The following CFAP61 variants were observed in gnomAD, a reference collection of about 807,000 sequenced individuals.
CFAP61 encodes the protein cilia- and flagella-associated protein 61.
CFAP61 carries 107 observed loss-of-function variants against 135.6 expected under a neutral mutation model. The observed-to-expected ratio is 0.79, with a 90% CI of 0.67 to 0.93. The LOEUF is 0.93. CFAP61 is among the 40% of genes least tolerant of loss of function. The pLI, the probability that CFAP61 is intolerant of heterozygous loss-of-function variation, is 0.00. For missense variants in CFAP61, 1,507 were observed against 1,556.2 expected (o/e 0.97, Z 0.53); for synonymous variants, 575 against 578.5 (o/e 0.99, Z 0.09).
intron 17 of CFAP61, among the ~76,000 whole-genome samples, chr20:20,207,470 G>A (rs1168499279): frequency 6.6e-6 from 1 of 152,212 alleles, no homozygotes; most frequent in Non-Finnish European, 1.5e-5. Context: ...TCAGCTGCCT[G>A]CTGCAGAGCT....
chr20:20,109,499 T>C (rs1421619317), intron 8 of CFAP61, among the ~76,000 whole-genome samples: 1 of 152,192 alleles, frequency 6.6e-6, no homozygotes, highest in Non-Finnish European at 1.5e-5. Flanking sequence ...TGTCAGCCTC[T>C]GGTAATTGCT....
At chr20:20,150,009 G>C (rs2052260030) in intron 9 of CFAP61, among the ~76,000 whole-genome samples, 1 of 152,152 alleles carries the variant, frequency 6.6e-6, no homozygotes, top group African/African-American at 2.4e-5. Context: ...CACACAGGCT[G>C]CCTGTAGATA....
At chr20:20,294,884 C>T (rs984050098) in intron 24 of CFAP61, among the ~76,000 whole-genome samples, 3 of 150,496 alleles carry the variant, frequency 2.0e-5, no homozygotes, top group Non-Finnish European at 3.0e-5. Flanking sequence ...GCCGAGATTG[C>T]GCCACTGCAG....
chr20:20,175,548 CAG>C lies in CFAP61; in HGVS notation c.1385+6091_1385+6092del, dbSNP rs1157744610. On this transcript the variant is annotated intron_variant, in intron 13 of 26. Coordinates refer to ENST00000245957, the MANE Select transcript of CFAP61 (RefSeq NM_015585.4). ...TGTTTTGTTTTGTTTTGTTTTGAGA[CAG>C]AGTCTCACTCTGTCACCCAGGCTGG... is the stretch of plus-strand genomic sequence containing the variant. Among the ~76,000 whole-genome samples the C allele has an allele frequency of 2.9e-3, 422 of 143,162 alleles. 4 individuals carry two copies. The highest frequency in any genetic ancestry group is 0.01 in the African/African-American group (407 of 38,792). 93.9% of individuals were successfully genotyped at this position (143,162 alleles called of 152,430 possible). A position where few individuals can be genotyped will look rare whatever the true frequency, so the allele number is the denominator to read the frequency against.
At chr20:20,176,734 A>G (rs767964950) in intron 13 of CFAP61, among the ~76,000 whole-genome samples, 4 of 152,118 alleles carry the variant, frequency 2.6e-5, no homozygotes, top group East Asian at 1.9e-4. Context: ...GTCCGAGGGG[A>G]GAGAGAGCAT....
chr20:20,193,780 AT>A, intron 15 of CFAP61, among the ~76,000 whole-genome samples: 1 of 151,916 alleles, frequency 6.6e-6, no homozygotes, highest in Non-Finnish European at 1.5e-5. Flanking sequence ...CGCACGGCTA[AT>A]TTTTGTATTT....
intron 2 of CFAP61, among the ~76,000 whole-genome samples, chr20:20,062,689 G>A (rs149298568): frequency 1.1e-4 from 17 of 152,244 alleles, no homozygotes; most frequent in Non-Finnish European, 1.8e-4. Context: ...AGGTTAAGCA[G>A]GTAATAAAAG....
At chr20:20,256,772 C>G (rs962209361) in intron 20 of CFAP61, among the ~76,000 whole-genome samples, 1 of 152,178 alleles carries the variant, frequency 6.6e-6, no homozygotes, top group African/African-American at 2.4e-5. Flanking sequence ...TGAAGATATT[C>G]TAGAAGAAAA....
rs745485075 is a variant in CFAP61 at position 20,288,634 on chromosome 20, A to G, written c.2822A>G (p.Asn941Ser). The change falls in exon 23 of 27, where the codon AAT becomes AGT. Residue 941 changes from asparagine (N) to serine (S), a missense_variant. Physicochemically the swap from Asn to Ser is conservative, Grantham distance 46 (BLOSUM62 1). Coordinates refer to ENST00000245957, the MANE Select transcript of CFAP61 (RefSeq NM_015585.4). ...ATGTTCTTCAGCTTCTGTGAGAAGA[A>G]TGTGGATTATGAAACGTTTAAAGCC... ...CSMFFSFCEK[N>S]VDYETFKALN... The G allele has an allele frequency of 2.5e-6, 4 of 1,613,558 alleles. No homozygotes were observed. Among genetic ancestry groups the G allele is most frequent in the Admixed American group, 1.7e-5 (1 of 60,024 alleles).
At chr20:20,112,123 A>T (rs1364436647) in intron 8 of CFAP61, among the ~76,000 whole-genome samples, 1 of 152,216 alleles carries the variant, frequency 6.6e-6, no homozygotes, top group Non-Finnish European at 1.5e-5. Context: ...TGGTGTGATT[A>T]ATGATCTGAT....
chr20:20,278,513 G>A (rs533477828), intron 22 of CFAP61, among the ~76,000 whole-genome samples: 22 of 152,324 alleles, frequency 1.4e-4, no homozygotes, highest in African/African-American at 4.8e-4. Flanking sequence ...TCGGTATGAG[G>A]ATAATGGTTG....
intron 24 of CFAP61, among the ~76,000 whole-genome samples, chr20:20,294,592 C>T (rs564084931): frequency 1.5e-4 from 23 of 152,224 alleles, no homozygotes; most frequent in South Asian, 1.5e-3. Context: ...ACAAAACTTA[C>T]AGAGGAGGCC....
intron 20 of CFAP61, among the ~76,000 whole-genome samples, chr20:20,252,047 C>G (rs140680648): frequency 6.6e-6 from 1 of 152,224 alleles, no homozygotes; most frequent in South Asian, 2.1e-4. Context: ...AAAAGTCTAA[C>G]ACATACTGCT....
At chr20:20,328,122 C>G (rs567675342) in intron 25 of CFAP61, among the ~76,000 whole-genome samples, 1 of 152,112 alleles carries the variant, frequency 6.6e-6, no homozygotes, top group African/African-American at 2.4e-5. Flanking sequence ...AGAAGGCCAG[C>G]GTGGCTGTAG....
At chr20:20,312,680 A>T (rs1395547714) in intron 25 of CFAP61, among the ~76,000 whole-genome samples, 1 of 152,228 alleles carries the variant, frequency 6.6e-6, no homozygotes, top group Non-Finnish European at 1.5e-5. Flanking sequence ...CACAATAAAG[A>T]GAAAGTCTTA....
intron 20 of CFAP61, chr20:20,253,189 T>TTTCCTTCCTTCCTTCCGTCCTTTC (rs1569196416): frequency 7.9e-4 from 119 of 151,504 alleles, no homozygotes; most frequent in African/African-American, 2.9e-3. Context: ...TTCCTTCTTT[T>TTTCCTTCCTTCCTTCCGTCCTTTC]TTCCTTCCTT....
chr20:20,313,600 C>T lies in CFAP61; in HGVS notation c.3422+15214C>T, dbSNP rs181578342. 3.3e-5 allele frequency among the ~76,000 whole-genome samples: 5 copies of T among 152,286 alleles called. No individual in the cohort carries two copies. The East Asian group carries it at 5.8e-4, about 18-fold the overall frequency. Reference sequence around the variant, plus strand: ...CCAGTCCCGGGTTCTAACATTATACCAGCCTTAAGTTCATTCTCTAGGCAT... The same window carrying T: ...CCAGTCCCGGGTTCTAACATTATACTAGCCTTAAGTTCATTCTCTAGGCAT... On this transcript the variant is annotated intron_variant, in intron 25 of 26. Coordinates refer to ENST00000245957, the MANE Select transcript of CFAP61 (RefSeq NM_015585.4).
intron 1 of CFAP61, chr20:20,056,017 G>C (rs768367984): frequency 6.2e-7 from 1 of 1,603,912 alleles, no homozygotes; most frequent in South Asian, 1.1e-5. Context: ...GCCGTCATTA[G>C]AGATTCTCTT....
At chr20:20,192,619 A>G (rs1175824266) in intron 15 of CFAP61, among the ~76,000 whole-genome samples, 1 of 151,982 alleles carries the variant, frequency 6.6e-6, no homozygotes, top group Non-Finnish European at 1.5e-5. Flanking sequence ...GTCCCTACTT[A>G]TCTCCTTACA....
Sources: gnomAD v4.1 joint callset for allele counts (sites outside exome capture counted in the v4.1 genomes callset) on GRCh38, gnomAD v4.1.1 for gene constraint, MANE v1.5 for transcripts, NCBI Gene and HGNC (gene_info 2026-07-23, HGNC 2026-07-21) for gene names.